Variants in SATL1 observed in about 807,000 individuals in gnomAD.
SATL1 encodes spermidine/spermine N1-acetyl transferase like 1, also known as spermidine/spermine N(1)-acetyltransferase-like protein 1.
Under a neutral mutation model 51.8 loss-of-function variants are expected in SATL1, and 47 were observed. The ratio of observed to expected loss-of-function variants is 0.91; its 90% CI spans 0.72 to 1.16. SATL1 has a LOEUF of 1.16. Ranked by LOEUF, SATL1 falls within the 50% of genes most tolerant of loss-of-function variation. The pLI, the probability that SATL1 is intolerant of heterozygous loss-of-function variation, is 0.00. For synonymous variants in SATL1, 176 were observed against 182.4 expected (o/e 0.97, Z 0.28); for missense variants, 520 against 526.4 (o/e 0.99, Z 0.12).
intron 2 of SATL1, chrX:85,211,285 C>T (rs1289349749): frequency 9.0e-6 from 1 of 111,359 alleles, no homozygotes; most frequent in Non-Finnish European, 1.9e-5. Context: ...ACTGGTGTGG[C>T]TACAAGAATA....
chrX:85,197,162 C>A (rs1927583487), intron 2 of SATL1, among the ~76,000 whole-genome samples: 1 of 111,691 alleles, frequency 9.0e-6, no homozygotes, highest in Admixed American at 9.5e-5. Flanking sequence ...ACAAATAACC[C>A]AATTAAATAT....
chrX:85,218,705 T>C (rs1446961517), intron 2 of SATL1, among the ~76,000 whole-genome samples: 1 of 111,543 alleles, frequency 9.0e-6, no homozygotes, highest in African/African-American at 3.3e-5. Context: ...AATACTAGAG[T>C]ATGGACCTTG....
Position 85,179,655 on chromosome X carries a change from A to G in SATL1, c.-313+44550T>C, listed in dbSNP as rs1467326602. On this transcript the variant is annotated intron_variant, in intron 2 of 7. Coordinates refer to ENST00000644105, the MANE Select transcript of SATL1 (RefSeq NM_001367857.2). ...TAATGGAGTAGAGAAGAACTAACATATATTGAGCATCTACCATATGCCATA... is the reference window on the plus strand; with the variant it reads ...TAATGGAGTAGAGAAGAACTAACATGTATTGAGCATCTACCATATGCCATA... Among the ~76,000 whole-genome samples, 3 of 111,540 alleles carry G rather than the reference A, an allele frequency of 2.7e-5. No homozygotes were observed. In the Admixed American group the frequency reaches 2.9e-4, roughly 11 times the overall value.
intron 1 of SATL1, among the ~76,000 whole-genome samples, chrX:85,241,611 C>T (rs865985550): frequency 9.0e-6 from 1 of 111,631 alleles, no homozygotes; most frequent in African/African-American, 3.3e-5. Context: ...ATCTAAAGGA[C>T]ATATGTTGAA....
At chrX:85,193,988 A>G (rs111574887) in intron 2 of SATL1, among the ~76,000 whole-genome samples, 5,141 of 111,476 alleles carry the variant, frequency 0.046, 321 homozygotes, top group African/African-American at 0.16. Context: ...GTTTGTGTGC[A>G]TGGGTCTTTA....
chrX:85,127,932 T>G (rs1053360051), intron 2 of SATL1, among the ~76,000 whole-genome samples: 4 of 110,414 alleles, frequency 3.6e-5, no homozygotes, highest in Non-Finnish European at 3.8e-5. Context: ...TGCTCAGAAT[T>G]ATGGTTTCCA....
intron 2 of SATL1, among the ~76,000 whole-genome samples, chrX:85,129,257 T>C (rs931960598): frequency 1.1e-4 from 12 of 112,245 alleles, no homozygotes; most frequent in African/African-American, 3.9e-4. Context: ...ATTTTCATGA[T>C]ATTGACTGTT....
chrX:85,222,261 T>C (rs1025401135), intron 2 of SATL1, among the ~76,000 whole-genome samples: 1 of 111,609 alleles, frequency 9.0e-6, no homozygotes, highest in African/African-American at 3.3e-5. Context: ...CTGTACTCCA[T>C]AGGGCTGTTA....
In SATL1 at chrX:85,240,582, A is replaced by AT. The variant is rs746803243; in HGVS notation, c.-435+3005dup. ...ACAAAAAAAGCAGAATAAGATACTG[A>AT]TTTTTTTTTTCTTTTGACTGCTAAT... On this transcript the variant is annotated intron_variant, in intron 1 of 7. Transcript: ENST00000644105. Among the ~76,000 whole-genome samples the AT allele has an allele frequency of 7.0e-4, 76 of 108,168 alleles. No homozygotes were observed. The East Asian group carries it at 0.015, about 21-fold the overall frequency. 93.9% of individuals were successfully genotyped at this position (108,168 alleles called of 115,157 possible).
At chrX:85,166,272 AAATAGCTGGGACTT>A (rs1478544460) in intron 2 of SATL1, among the ~76,000 whole-genome samples, 1 of 111,765 alleles carries the variant, frequency 8.9e-6, no homozygotes, top group Non-Finnish European at 1.9e-5. Context: ...CAAAAGAGAT[AAATAGCTGGGACTT>A]AATTAAACTA....
At chrX:85,240,774 T>G (rs1051861234) in intron 1 of SATL1, among the ~76,000 whole-genome samples, 1 of 105,894 alleles carries the variant, frequency 9.4e-6, no homozygotes. Context: ...TGTTTGAAGC[T>G]CCTATGTACT....
At chrX:85,100,065 G>A (rs1442009826) in intron 4 of SATL1, among the ~76,000 whole-genome samples, 3 of 112,262 alleles carry the variant, frequency 2.7e-5, no homozygotes, top group Admixed American at 9.4e-5. Flanking sequence ...AATTAGCCAG[G>A]TGTGGTGGCA....
At chrX:85,115,679 C>A (rs1395173210) in intron 2 of SATL1, among the ~76,000 whole-genome samples, 1 of 111,976 alleles carries the variant, frequency 8.9e-6, no homozygotes, top group Non-Finnish European at 1.9e-5. Flanking sequence ...TACATTCTGG[C>A]AGGTGCACAA....
intron 2 of SATL1, chrX:85,209,951 G>C (rs1927876429): frequency 9.1e-6 from 1 of 109,897 alleles, no homozygotes; most frequent in Non-Finnish European, 1.9e-5. Context: ...GATCTTTCCT[G>C]CTTTCTCTTG....
rs756012997 is a variant in SATL1, at chrX:85,181,703, C to G, written c.-313+42502G>C. On this transcript the variant is annotated intron_variant, in intron 2 of 7. Coordinates refer to ENST00000644105, the MANE Select transcript of SATL1 (RefSeq NM_001367857.2). ...TAGTGCTCACAGTCAAATCACAGCT[C>G]TTTATATTTGTTTTCTCACCTCTAA... Among the ~76,000 whole-genome samples the G allele has an allele frequency of 4.5e-5, 5 of 111,365 alleles. No individual in the cohort carries two copies. The East Asian group carries it at 1.1e-3, about 25-fold the overall frequency.
intron 1 of SATL1, 132 bp downstream of exon 1, chrX:85,243,456 C>A (rs937870965): frequency 8.9e-6 from 1 of 111,757 alleles, no homozygotes; most frequent in Non-Finnish European, 1.9e-5. Context: ...TTCACCTTTT[C>A]CTTTCTATAC....
intron 2 of SATL1, among the ~76,000 whole-genome samples, chrX:85,222,278 T>C (rs970429864): frequency 6.3e-5 from 7 of 111,573 alleles, no homozygotes; most frequent in Non-Finnish European, 1.1e-4. Flanking sequence ...GTTATGAGGA[T>C]TAAATAAGAC....
chrX:85,171,038 C>T (rs1208243610), intron 2 of SATL1, among the ~76,000 whole-genome samples: 1 of 111,331 alleles, frequency 9.0e-6, no homozygotes, highest in African/African-American at 3.2e-5. Context: ...AAAAGGTTAC[C>T]TGTAGAGTCA....
At chrX:85,153,132 C>T (rs941240892) in intron 2 of SATL1, among the ~76,000 whole-genome samples, 11 of 110,663 alleles carry the variant, frequency 9.9e-5, no homozygotes, top group African/African-American at 2.9e-4. Context: ...ATATATGAGT[C>T]ATTTATTTCT....
Sources: gnomAD v4.1 joint callset for allele counts (sites outside exome capture counted in the v4.1 genomes callset) on GRCh38, gnomAD v4.1.1 for gene constraint, MANE v1.5 for transcripts, NCBI Gene and HGNC (gene_info 2026-07-23, HGNC 2026-07-21) for gene names.